FAF1: variants seen among roughly 807,000 people sequenced by gnomAD.
FAF1 encodes FAS-associated factor 1.
Under a neutral mutation model 92.5 loss-of-function variants are expected in FAF1, and 25 were observed. The ratio of observed to expected loss-of-function variants is 0.27; its 90% confidence interval spans 0.20 to 0.38. FAF1 has a LOEUF of 0.38. Among genes scored for constraint, FAF1 ranks in the 10% least tolerant of loss-of-function variants. The probability of loss-of-function intolerance (pLI) is 1.00; values close to 1 mark genes in which losing one functional copy is unlikely to be tolerated. For synonymous variants in FAF1, 234 were observed against 273.2 expected, an observed-to-expected ratio of 0.86 and a Z score of 1.42; for missense variants, 636 against 793.3, an observed-to-expected ratio of 0.80 and a Z score of 2.38.
Position 50,844,741 on chromosome 1 carries a change from G to A in FAF1, c.114+13188C>T, listed in dbSNP as rs146146318. ...GTGCTTCAAGTATTTTCCAAGTCAC[G>A]TTATGGGTATGAGATGGTGTGAGAA... is the stretch of plus-strand genomic sequence containing the variant. On this transcript the variant is annotated intron_variant, in intron 2 of 18. Transcript: ENST00000396153. Among the ~76,000 whole-genome samples the A allele has an allele frequency of 2.3e-3, 356 of 151,948 alleles. 1 individual carries two copies. Among genetic ancestry groups the A allele is most frequent in the Non-Finnish European group, 3.1e-3 (212 of 68,008 alleles).
chr1:50,786,154 C>T (rs1478639188), intron 4 of FAF1, among the ~76,000 whole-genome samples: 1 of 151,328 alleles, frequency 6.6e-6, no homozygotes, highest in African/African-American at 2.4e-5. Flanking sequence ...AAATCACATT[C>T]TCATGTTCAT....
chr1:50,831,063 C>A (rs1644148179), intron 2 of FAF1, among the ~76,000 whole-genome samples: 1 of 151,630 alleles, frequency 6.6e-6, no homozygotes, highest in Admixed American at 6.6e-5. Flanking sequence ...AGGAATAGCC[C>A]CAAAGAAACC....
intron 18 of FAF1, among the ~76,000 whole-genome samples, chr1:50,458,181 C>T (rs2148985892): frequency 1.3e-5 from 2 of 152,202 alleles, no homozygotes; most frequent in Middle Eastern, 6.8e-3. Flanking sequence ...CCATTGCACT[C>T]CAGCCTGGGC....
chr1:50,647,912 A>T (rs1225623885), intron 8 of FAF1, among the ~76,000 whole-genome samples: 1 of 152,160 alleles, frequency 6.6e-6, no homozygotes, highest in Non-Finnish European at 1.5e-5. Context: ...ATGCATTTCT[A>T]AGAGGGTTGG....
intron 18 of FAF1, among the ~76,000 whole-genome samples, chr1:50,463,246 G>A (rs983658149): frequency 7.2e-5 from 11 of 152,170 alleles, no homozygotes; most frequent in African/African-American, 2.7e-4. Flanking sequence ...ACTGCTGGAG[G>A]TAATTAAACA....
At chr1:50,837,855 T>G (rs1230366394) in intron 2 of FAF1, among the ~76,000 whole-genome samples, 2 of 151,954 alleles carry the variant, frequency 1.3e-5, no homozygotes, top group South Asian at 2.1e-4. Flanking sequence ...GTGATTCTCC[T>G]GCCTCAGCCT....
At chr1:50,677,845 A>C (rs1235365058) in intron 7 of FAF1, among the ~76,000 whole-genome samples, 1 of 147,784 alleles carries the variant, frequency 6.8e-6, no homozygotes, top group Non-Finnish European at 1.5e-5. Flanking sequence ...TGGTGAGCCG[A>C]GATTACACCA....
intron 2 of FAF1, among the ~76,000 whole-genome samples, chr1:50,803,746 A>C (rs1207893505): frequency 1.3e-5 from 2 of 152,142 alleles, no homozygotes; most frequent in Non-Finnish European, 1.5e-5. Context: ...ATACAAATCC[A>C]CTTTTCAACC....
At chr1:50,928,782 C>CAAAAAAAAAAAAA (rs1157426126) in intron 1 of FAF1, among the ~76,000 whole-genome samples, 9 of 39,704 alleles carry the variant, frequency 2.3e-4, no homozygotes, top group Admixed American at 5.9e-4. Flanking sequence ...GACTCCACCT[C>CAAAAAAAAAAAAA]AAAAAAAAAA....
chr1:50,868,609 T>C (rs991953142), intron 1 of FAF1, among the ~76,000 whole-genome samples: 2 of 152,226 alleles, frequency 1.3e-5, no homozygotes, highest in Admixed American at 6.5e-5. Flanking sequence ...ATGTTCATTA[T>C]CATTCAGTTC....
At chr1:50,675,302 ACT>A (rs1288800593) in intron 7 of FAF1, among the ~76,000 whole-genome samples, 3 of 152,008 alleles carry the variant, frequency 2.0e-5, no homozygotes, top group East Asian at 1.9e-4. Flanking sequence ...TGAGTTCCAG[ACT>A]CTCTGGCAGT....
chr1:50,440,419 C>T lies in FAF1; in HGVS notation c.*1021G>A, dbSNP rs1646156125. ...TTCAGCCACAGAATGAGATCCCTTT[C>T]ATTTGAGTCCAATATCAAATACTAA... On this transcript the variant is annotated 3_prime_UTR_variant, in exon 19 of 19. Coordinates refer to ENST00000396153, the MANE Select transcript of FAF1 (RefSeq NM_007051.3). 6.6e-6 allele frequency: 1 copy of T among 152,224 alleles called. No homozygotes were observed. Among genetic ancestry groups the T allele is most frequent in the Non-Finnish European group, 1.5e-5 (1 of 68,038 alleles). 9.4% of individuals were successfully genotyped at this position (152,224 alleles called of 1,614,324 possible).
At chr1:50,592,709 A>G (rs753688141) in intron 9 of FAF1, among the ~76,000 whole-genome samples, 1 of 152,166 alleles carries the variant, frequency 6.6e-6, no homozygotes, top group Non-Finnish European at 1.5e-5. Flanking sequence ...ACACTTTGGG[A>G]GGCCAAGGAG....
chr1:50,546,911 T>C (rs1649045737), intron 13 of FAF1, among the ~76,000 whole-genome samples: 1 of 152,186 alleles, frequency 6.6e-6, no homozygotes, highest in African/African-American at 2.4e-5. Flanking sequence ...TTCTATTTTA[T>C]ATGAGTCTTC....
Position 50,801,674 on chromosome 1 carries a change from C to T in FAF1, c.118G>A (p.Ala40Thr). The T allele has an allele frequency of 1.3e-6, 2 of 1,589,878 alleles. No individual in the cohort carries two copies. Among genetic ancestry groups the T allele is most frequent in the Non-Finnish European group, 1.7e-6 (2 of 1,158,570 alleles). ...LEQNNWDLVA[A>T]INGVIPQENG... is the part of the protein sequence containing the mutation. ...TCCTGTGGTATTACACCATTGATAG[C>T]TGCCTGCAAACAAGAAACAGAGAAG... The change falls in exon 3 of 19, where the codon GCT becomes ACT. Residue 40 changes from alanine (A) to threonine (T), a missense_variant. Transcript: ENST00000396153.
intron 6 of FAF1, among the ~76,000 whole-genome samples, chr1:50,717,607 T>C (rs1285638656): frequency 1.3e-5 from 2 of 152,240 alleles, no homozygotes; most frequent in East Asian, 3.8e-4. Flanking sequence ...CACAGGCTTC[T>C]AATGTACAAA....
chr1:50,503,708 A>G (rs555207943), intron 15 of FAF1, among the ~76,000 whole-genome samples: 1 of 152,318 alleles, frequency 6.6e-6, no homozygotes, highest in African/African-American at 2.4e-5. Flanking sequence ...AGCAAGTAAA[A>G]GGAATGAATT....
In FAF1 at chr1:50,643,877, G is replaced by A. The variant is rs141665862; in HGVS notation, c.744+11565C>T. Reference sequence around the variant, plus strand: ...CAAAGTGCTGGGATTACAGACAAGAGCCATCGCTGCCCCCACTCCCACCCT... The same window carrying A: ...CAAAGTGCTGGGATTACAGACAAGAACCATCGCTGCCCCCACTCCCACCCT... On this transcript the variant is annotated intron_variant, in intron 8 of 18. Coordinates refer to ENST00000396153, the MANE Select transcript of FAF1 (RefSeq NM_007051.3). Among the ~76,000 whole-genome samples, 668 of 152,284 alleles carry A rather than the reference G, an allele frequency of 4.4e-3. 8 individuals are homozygous for A. Among genetic ancestry groups the A allele is most frequent in the African/African-American group, 0.015 (603 of 41,572 alleles).
chr1:50,614,664 A>AC (rs1286690758), intron 8 of FAF1, among the ~76,000 whole-genome samples: 2 of 151,904 alleles, frequency 1.3e-5, no homozygotes, highest in East Asian at 1.9e-4. Flanking sequence ...ACATGGAGAA[A>AC]CCCCATCTCT....
Sources: gnomAD v4.1 joint callset for allele counts (sites outside exome capture counted in the v4.1 genomes callset) on GRCh38, gnomAD v4.1.1 for gene constraint, MANE v1.5 for transcripts, NCBI Gene and HGNC (gene_info 2026-07-23, HGNC 2026-07-21) for gene names.